Variants in ZNF549 observed in about 807,000 individuals in gnomAD.
ZNF549 encodes the protein zinc finger protein 549.
A neutral mutation model predicts 11.1 loss-of-function variants in ZNF549; 11 were observed. The observed-to-expected ratio is 0.99, with a 90% confidence interval of 0.62 to 1.64. The LOEUF (loss-of-function observed/expected upper bound fraction) is 1.64, where lower values mean the gene tolerates loss of function less well. Among genes scored for constraint, ZNF549 ranks in the 40% most tolerant of loss-of-function variants. The pLI is 0.00. For synonymous variants in ZNF549, 266 were observed against 269.1 expected, an observed-to-expected ratio of 0.99 and a Z score of 0.11; for missense variants, 748 against 765.1, an observed-to-expected ratio of 0.98 and a Z score of 0.26.
At chr19:57,530,846 A>C (rs552369333) in intron 1 of ZNF549, among the ~76,000 whole-genome samples, 1 of 152,156 alleles carries the variant, frequency 6.6e-6, no homozygotes, top group South Asian at 2.1e-4. Flanking sequence ...ATCTTAATGC[A>C]ATAGTCAGTA....
At position 57,537,201 on chromosome 19, in the gene ZNF549, T is replaced by G; in HGVS notation, c.200-3T>G. On this transcript the variant is annotated splice_region_variant and splice_polypyrimidine_tract_variant and intron_variant, in intron 3 of 3. Coordinates refer to ENST00000376233, the MANE Select transcript of ZNF549 (RefSeq NM_001199295.2). ...TACTTCACTTGCATTTTTATGCTTT[T>G]AGGTTGTTTGCATGGAATAGAGGCT... 1 of 1,607,796 alleles carries G rather than the reference T, an allele frequency of 6.2e-7. No individual in the cohort carries two copies. Among genetic ancestry groups the G allele is most frequent in the Non-Finnish European group, 8.5e-7 (1 of 1,176,582 alleles).
rs1383511012 is a variant in ZNF549, at chr19:57,537,444, T to G, written c.440T>G (p.Leu147Arg). The stretch of plus-strand genomic sequence containing the variant: ...AAATGGTTTTCATTTGGTTCTAACC[T>G]GCAACAGCACCAGAACCAGGACAGT... Reference protein sequence around the residue: ...SGKWFSFGSNLQQHQNQDSGE... With the variant: ...SGKWFSFGSNRQQHQNQDSGE... Residue 147 changes from leucine to arginine, a missense_variant, in exon 4 of 4, where the codon CTG becomes CGG. Leu to Arg is a moderately radical substitution (Grantham distance 102). Coordinates refer to ENST00000376233, the MANE Select transcript of ZNF549 (RefSeq NM_001199295.2). The G allele has an allele frequency of 6.2e-7, 1 of 1,614,130 alleles. No homozygotes were observed. Among genetic ancestry groups the G allele is most frequent in the African/African-American group, 1.3e-5 (1 of 74,952 alleles).
intron 2 of ZNF549, among the ~76,000 whole-genome samples, chr19:57,533,370 C>T (rs946600797): frequency 6.6e-6 from 1 of 152,148 alleles, no homozygotes; most frequent in Non-Finnish European, 1.5e-5. Context: ...GGTTATTTCC[C>T]TTCCCCCAGA....
At chr19:57,529,169 G>A (rs760511553) in intron 1 of ZNF549, among the ~76,000 whole-genome samples, 4 of 152,190 alleles carry the variant, frequency 2.6e-5, no homozygotes, top group Non-Finnish European at 4.4e-5. Flanking sequence ...TTGCTGTACA[G>A]GTTTGTAGCC....
At chr19:57,531,259 G>C (rs1347195253) in intron 2 of ZNF549, among the ~76,000 whole-genome samples, 151 bp downstream of exon 2, 1 of 152,166 alleles carries the variant, frequency 6.6e-6, no homozygotes, top group African/African-American at 2.4e-5. Context: ...ATTAATCAGG[G>C]TCAGGAGTTA....
rs779534448 is a variant in ZNF549 at position 57,538,035 on chromosome 19, A to G, written c.1031A>G (p.Lys344Arg). The G allele has an allele frequency of 4.3e-6, 7 of 1,614,110 alleles. No individual in the cohort carries two copies. The highest frequency in any genetic ancestry group is 2.2e-5 in the South Asian group (2 of 91,070). The change falls in exon 4 of 4, where the codon AAA becomes AGA. Residue 344 changes from lysine (K) to arginine (R), a missense_variant. Lys to Arg is a conservative substitution (Grantham distance 26). Transcript: ENST00000376233. Reference sequence around the variant, plus strand: ...GTATGTGGGAAATCATTCCGCCACAAACAAACATTTGTTGGCCATCAGCAG... The same window carrying G: ...GTATGTGGGAAATCATTCCGCCACAGACAAACATTTGTTGGCCATCAGCAG... The part of the protein sequence containing the change: ...CNVCGKSFRH[K>R]QTFVGHQQRI...
chr19:57,537,916 T>C lies in ZNF549; in HGVS notation c.912T>C (p.Tyr304=), dbSNP rs755526586. ...GAATTCACACTAGAGAAAGGTCTTA[T>C]GTGTGCATCGAATGTGGGAAATCCT... ...QQRIHTRERS[Y]VCIECGKSLS... Residue 304 remains tyrosine, a synonymous_variant, in exon 4 of 4, where the codon TAT becomes TAC. Transcript: ENST00000376233. 9.3e-6 allele frequency: 15 copies of C among 1,614,060 alleles called. No individual in the cohort carries two copies. Among genetic ancestry groups the C allele is most frequent in the East Asian group, 2.2e-5 (1 of 44,890 alleles).
At position 57,535,268 on chromosome 19, in the gene ZNF549, T is replaced by C; in HGVS notation, c.197T>C (p.Val66Ala). ...MLENFSLMAS[V>A]GCLHGIEAEE... ...GAGAACTTTTCGCTTATGGCCTCAGTAGGTAAGATCTCTTAAAACCACACC... is the reference window on the plus strand; with the variant it reads ...GAGAACTTTTCGCTTATGGCCTCAGCAGGTAAGATCTCTTAAAACCACACC... Residue 66 changes from valine (V) to alanine (A), a missense_variant and splice_region_variant, in exon 3 of 4, where the codon GTA becomes GCA. Coordinates refer to ENST00000376233, the MANE Select transcript of ZNF549 (RefSeq NM_001199295.2). 1 of 1,613,728 alleles carries C rather than the reference T, an allele frequency of 6.2e-7. No homozygotes were observed.
intron 1 of ZNF549, 96 bp downstream of exon 1, chr19:57,527,702 C>T (rs1371950276): frequency 3.4e-6 from 5 of 1,471,594 alleles, no homozygotes; most frequent in South Asian, 1.2e-5. Context: ...TTCTCCAGGA[C>T]AGCGAGGAGT....
intron 2 of ZNF549, among the ~76,000 whole-genome samples, chr19:57,534,680 T>C (rs899916652): frequency 6.6e-6 from 1 of 152,176 alleles, no homozygotes; most frequent in Non-Finnish European, 1.5e-5. Flanking sequence ...GTCCTGAGAC[T>C]GCCTCTGACT....
rs775972577 is a variant in ZNF549, at chr19:57,527,580, G to C, written c.7G>C (p.Glu3Gln). Residue 3 changes from glutamate (E) to glutamine (Q), a missense_variant, in exon 1 of 4, where the codon GAG (glutamate) becomes CAG (glutamine). Physicochemically the swap from Glu to Gln is conservative, Grantham distance 29 (BLOSUM62 2). Coordinates refer to ENST00000376233, the MANE Select transcript of ZNF549 (RefSeq NM_001199295.2). MA[E>Q]AALVITPQIP... ...CCGCCCCGCCTAAAGTCCCATGGCC[G>C]AGGCAGCGCTAGTGATTACGCCGCA... 11 of 1,613,784 alleles carry C rather than the reference G, an allele frequency of 6.8e-6. No individual in the cohort carries two copies. The highest frequency in any genetic ancestry group is 9.3e-6 in the Non-Finnish European group (11 of 1,179,978).
Position 57,537,501 on chromosome 19 carries a change from G to T in ZNF549, c.497G>T (p.Ser166Ile), listed in dbSNP as rs1468560157. The T allele has an allele frequency of 1.2e-6, 2 of 1,614,222 alleles. No homozygotes were observed. ...AAACACATCAGAAAGGAGGAGAGCA[G>T]TGCCTTGCTTCTGAATAGCTGCAAA... ...GEKHIRKEES[S>I]ALLLNSCKIP... The change falls in exon 4 of 4, where the codon AGT becomes ATT. Residue 166 changes from serine to isoleucine, a missense_variant. Transcript: ENST00000376233.
At chr19:57,532,993 C>T (rs770568333) in intron 2 of ZNF549, among the ~76,000 whole-genome samples, 7 of 152,232 alleles carry the variant, frequency 4.6e-5, no homozygotes, top group Middle Eastern at 6.8e-3. Flanking sequence ...TACAGGCGCC[C>T]GCCACCACGC....
chr19:57,528,092 G>A (rs2089887249), intron 1 of ZNF549, among the ~76,000 whole-genome samples: 1 of 152,188 alleles, frequency 6.6e-6, no homozygotes, highest in Non-Finnish European at 1.5e-5. Context: ...GGCTCCAGGA[G>A]GATTATGGTG....
intron 3 of ZNF549, 171 bp downstream of exon 3, chr19:57,535,441 C>T: frequency 1.1e-6 from 1 of 873,198 alleles, no homozygotes; most frequent in Admixed American, 2.5e-5. Context: ...TTTTTCTGCC[C>T]CAACATCTAC....
At chr19:57,529,234 G>A (rs1016413256) in intron 1 of ZNF549, among the ~76,000 whole-genome samples, 1 of 152,212 alleles carries the variant, frequency 6.6e-6, no homozygotes, top group Non-Finnish European at 1.5e-5. Context: ...CTGAACAGTA[G>A]TTCCCCCTTA....
Position 57,527,396 on chromosome 19 carries a change from C to T in ZNF549, c.-178C>T, listed in dbSNP as rs2089881807. ...GAGCGCGTCCGCGGGCTGGGCGTTT[C>T]CGGCTCGCTGGGTCCGGGCCAGGTA... On this transcript the variant is annotated 5_prime_UTR_variant, in exon 1 of 4. Transcript: ENST00000376233. 1 of 868,324 alleles carries T rather than the reference C, an allele frequency of 1.2e-6. No homozygotes were observed. The highest frequency in any genetic ancestry group is 1.8e-6 in the Non-Finnish European group (1 of 557,934). The allele number at this position is 868,324 out of a possible 1,614,324, so 53.8% of individuals were successfully genotyped here.
chr19:57,533,351 G>A (rs2089911600), intron 2 of ZNF549, among the ~76,000 whole-genome samples: 1 of 152,136 alleles, frequency 6.6e-6, no homozygotes, highest in Non-Finnish European at 1.5e-5. Flanking sequence ...ACTAGAGTGG[G>A]TTGTAGTTGG....
At position 57,538,955 on chromosome 19, in the gene ZNF549, T is replaced by C. The variant is rs763863485; in HGVS notation, c.*28T>C. The C allele has an allele frequency of 6.3e-7, 1 of 1,576,018 alleles. No homozygotes were observed. The highest frequency in any genetic ancestry group is 2.2e-5 in the East Asian group (1 of 44,678). ...ATTGTTGGGATGTGTAATTGTCTTA[T>C]TCACTGTAGGACACCAGAGAGCTGA... On this transcript the variant is annotated 3_prime_UTR_variant, in exon 4 of 4. Coordinates refer to ENST00000376233, the MANE Select transcript of ZNF549 (RefSeq NM_001199295.2).
Sources: allele counts gnomAD v4.1 joint callset (sites outside exome capture counted in the v4.1 genomes callset), GRCh38; gene constraint gnomAD v4.1.1; transcripts MANE v1.5; gene names NCBI Gene and HGNC (gene_info 2026-07-23, HGNC 2026-07-21).